Variants in GRIK2 observed in about 807,000 individuals in gnomAD.
GRIK2 encodes glutamate ionotropic receptor kainate type subunit 2.
GRIK2 carries 32 observed loss-of-function variants against 100.3 expected under a neutral mutation model. The observed-to-expected ratio is 0.32, with a 90% CI of 0.24 to 0.43. The LOEUF is 0.43. GRIK2 is among the 20% of genes least tolerant of loss of function. The pLI, the probability that GRIK2 is intolerant of heterozygous loss-of-function variation, is 1.00. For synonymous variants in GRIK2, 417 were observed against 389.4 expected, an observed-to-expected ratio of 1.07 and a Z score of -0.83; for missense variants, 843 against 1,114.9, an observed-to-expected ratio of 0.76 and a Z score of 3.47.
At chr6:101,903,252 C>T (rs1787999459) in intron 12 of GRIK2, among the ~76,000 whole-genome samples, 1 of 151,822 alleles carries the variant, frequency 6.6e-6, no homozygotes, top group Non-Finnish European at 1.5e-5. Context: ...AGCTTACTGC[C>T]ACTTCAGTTC....
chr6:101,559,871 C>A (rs1430586279), intron 2 of GRIK2, among the ~76,000 whole-genome samples: 1 of 152,026 alleles, frequency 6.6e-6, no homozygotes, highest in Non-Finnish European at 1.5e-5. Flanking sequence ...TAGATAAATA[C>A]AAATACAAGT....
At chr6:101,651,528 T>C (rs76180581) in intron 4 of GRIK2, among the ~76,000 whole-genome samples, 14 of 152,146 alleles carry the variant, frequency 9.2e-5, no homozygotes, top group African/African-American at 3.1e-4. Flanking sequence ...TAGAAGGCGA[T>C]AAGTGCAACA....
In GRIK2 at chr6:101,682,600, C is replaced by T; in HGVS notation, c.771C>T (p.Thr257=). The change falls in exon 6 of 17, where the codon ACC becomes ACT. Residue 257 remains threonine, a synonymous_variant. Coordinates refer to ENST00000369134, the MANE Select transcript of GRIK2 (RefSeq NM_021956.5). Reference sequence around the variant, plus strand: ...CAGAATACTATCATTATATCTTTACCACTCTGGTAAGTACTTCATTAAAAC... The same window carrying T: ...CAGAATACTATCATTATATCTTTACTACTCTGGTAAGTACTTCATTAAAAC... ...MMTEYYHYIF[T]TLDLFALDVE... 1 of 1,268,980 alleles carries T rather than the reference C, an allele frequency of 7.9e-7. No individual in the cohort carries two copies. Among genetic ancestry groups the T allele is most frequent in the Non-Finnish European group, 1.1e-6 (1 of 878,406 alleles). 78.6% of individuals were successfully genotyped at this position (1,268,980 alleles called of 1,614,324 possible). A position where few individuals can be genotyped will look rare whatever the true frequency, so the allele number is the denominator to read the frequency against.
Position 101,707,576 on chromosome 6 carries a change from ATGTG to A in GRIK2, c.951+21239_951+21242del, listed in dbSNP as rs56168617. On this transcript the variant is annotated intron_variant, in intron 7 of 16. Transcript: ENST00000369134. ...TGTGTATATATATGTATATATGTGT[ATGTG>A]TGTGTGTGTGTGTGTATATATGTGT... Among the ~76,000 whole-genome samples the A allele has an allele frequency of 1.9e-3, 235 of 125,200 alleles. 2 individuals carry two copies. Among genetic ancestry groups the A allele is most frequent in the African/African-American group, 6.5e-3 (190 of 29,280 alleles). 82.1% of individuals were successfully genotyped at this position (125,200 alleles called of 152,430 possible).
At chr6:101,916,000 A>T (rs1789080703) in intron 12 of GRIK2, among the ~76,000 whole-genome samples, 1 of 151,466 alleles carries the variant, frequency 6.6e-6, no homozygotes, top group African/African-American at 2.4e-5. Flanking sequence ...TAAAGAGATA[A>T]CTTTTTCTAA....
chr6:102,014,919 G>A (rs748736734), intron 14 of GRIK2, among the ~76,000 whole-genome samples: 1 of 152,080 alleles, frequency 6.6e-6, no homozygotes, highest in Non-Finnish European at 1.5e-5. Context: ...TGTTGTTTTG[G>A]GGTGGAGAGT....
At chr6:101,575,473 G>C (rs1777749152) in intron 2 of GRIK2, among the ~76,000 whole-genome samples, 1 of 151,960 alleles carries the variant, frequency 6.6e-6, no homozygotes, top group African/African-American at 2.4e-5. Context: ...CAGTTTTTGA[G>C]ACATTTCTGT....
In GRIK2 at chr6:101,626,474, A is replaced by T. The variant is rs767954803; in HGVS notation, c.378A>T (p.Gly126=). ...TGCAGTCCATCTGCAATGCTCTGGG[A>T]GTTCCCCACATACAGACCCGCTGGA... is the stretch of plus-strand genomic sequence containing the variant. ...NAVQSICNAL[G]VPHIQTRWKH... is the part of the protein sequence containing the mutation. Residue 126 remains glycine, a synonymous_variant, in exon 4 of 17, where the codon GGA becomes GGT. Transcript: ENST00000369134. 84 of 1,613,826 alleles carry T rather than the reference A, an allele frequency of 5.2e-5. No individual in the cohort carries two copies. Among genetic ancestry groups the T allele is most frequent in the Non-Finnish European group, 6.8e-5 (80 of 1,179,912 alleles).
chr6:101,799,078 T>A (rs976386052), intron 7 of GRIK2, among the ~76,000 whole-genome samples: 3 of 152,114 alleles, frequency 2.0e-5, no homozygotes, highest in African/African-American at 7.2e-5. Flanking sequence ...AGATTGAAAC[T>A]TTTGAAAATT....
chr6:101,785,446 T>A (rs1779362475), intron 7 of GRIK2, among the ~76,000 whole-genome samples: 1 of 152,188 alleles, frequency 6.6e-6, no homozygotes, highest in Non-Finnish European at 1.5e-5. Flanking sequence ...TTTTATACTT[T>A]CAGAACTTAT....
chr6:101,760,342 A>T lies in GRIK2; in HGVS notation c.952-39306A>T, dbSNP rs1339025635. Reference sequence around the variant, plus strand: ...ATATATTTAATTATATATATTTATTATATATAATTAATTATATTTAATTAT... The same window carrying T: ...ATATATTTAATTATATATATTTATTTTATATAATTAATTATATTTAATTAT... On this transcript the variant is annotated intron_variant, in intron 7 of 16. Transcript: ENST00000369134. 8.7e-4 allele frequency among the ~76,000 whole-genome samples: 94 copies of T among 107,668 alleles called. 6 individuals carry two copies. Among genetic ancestry groups the T allele is most frequent in the African/African-American group, 2.7e-3 (73 of 26,678 alleles). 70.6% of individuals were successfully genotyped at this position (107,668 alleles called of 152,430 possible). A position where few individuals can be genotyped will look rare whatever the true frequency, so the allele number is the denominator to read the frequency against.
intron 14 of GRIK2, among the ~76,000 whole-genome samples, chr6:101,973,970 T>C (rs947606289): frequency 6.6e-6 from 1 of 151,952 alleles, no homozygotes; most frequent in Non-Finnish European, 1.5e-5. Flanking sequence ...AGAAGAAATA[T>C]ACATTTGGAT....
chr6:102,022,178 T>C (rs1279489041), intron 14 of GRIK2, among the ~76,000 whole-genome samples: 1 of 150,834 alleles, frequency 6.6e-6, no homozygotes, highest in Non-Finnish European at 1.5e-5. Context: ...CATATATTTA[T>C]ATATAAAAAT....
intron 3 of GRIK2, among the ~76,000 whole-genome samples, chr6:101,623,617 C>T (rs865832087): frequency 2.6e-5 from 4 of 152,022 alleles, no homozygotes; most frequent in Non-Finnish European, 5.9e-5. Flanking sequence ...AACACAGGTT[C>T]GGATGTTCTC....
intron 11 of GRIK2, among the ~76,000 whole-genome samples, chr6:101,875,716 C>G (rs903197228): frequency 1.3e-5 from 2 of 151,396 alleles, no homozygotes; most frequent in African/African-American, 4.8e-5. Flanking sequence ...TCTCTTTATT[C>G]TTTAGGGGTT....
chr6:101,900,231 G>A lies in GRIK2; in HGVS notation c.1748+10368G>A, dbSNP rs552036108. Among the ~76,000 whole-genome samples, 5 of 152,164 alleles carry A rather than the reference G, an allele frequency of 3.3e-5. No homozygotes were observed. In the South Asian group the frequency reaches 6.2e-4, roughly 19 times the overall value. On this transcript the variant is annotated intron_variant, in intron 12 of 16. Transcript: ENST00000369134. ...TGTAATCCCAGCACTTTGGGAGGCC[G>A]AGGTGGGCAGATCACCTGAGGTCAG...
At chr6:101,894,992 T>C (rs1418055822) in intron 12 of GRIK2, among the ~76,000 whole-genome samples, 1 of 151,808 alleles carries the variant, frequency 6.6e-6, no homozygotes, top group African/African-American at 2.4e-5. Flanking sequence ...GCATATCTTA[T>C]TTTGAAATTG....
intron 14 of GRIK2, among the ~76,000 whole-genome samples, chr6:101,938,661 A>G (rs1350180170): frequency 6.6e-6 from 1 of 152,070 alleles, no homozygotes; most frequent in Non-Finnish European, 1.5e-5. Flanking sequence ...TACTTTAATA[A>G]TTTTATAAAT....
chr6:101,689,711 C>T (rs1316748546), intron 7 of GRIK2, among the ~76,000 whole-genome samples: 1 of 152,078 alleles, frequency 6.6e-6, no homozygotes, highest in Non-Finnish European at 1.5e-5. Context: ...CAACACTCTT[C>T]TTTTACACAT....
Sources: allele counts gnomAD v4.1 joint callset (sites outside exome capture counted in the v4.1 genomes callset), GRCh38; gene constraint gnomAD v4.1.1; transcripts MANE v1.5; gene names NCBI Gene and HGNC (gene_info 2026-07-23, HGNC 2026-07-21).